The following PPP2R3A variants were observed in gnomAD, a reference collection of about 807,000 sequenced individuals.
PPP2R3A encodes protein phosphatase 2 regulatory subunit B''alpha, also known as serine/threonine-protein phosphatase 2A regulatory subunit B'' subunit alpha.
Under a neutral mutation model 106.9 loss-of-function variants are expected in PPP2R3A, and 80 were observed. That is an observed-to-expected ratio of 0.75 (90% CI 0.62 to 0.90). The LOEUF (loss-of-function observed/expected upper bound fraction) is 0.90, where lower values mean the gene tolerates loss of function less well. Among genes scored for constraint, PPP2R3A ranks in the 40% least tolerant of loss-of-function variants. The probability of loss-of-function intolerance (pLI) is 0.00; values close to 1 mark genes in which losing one functional copy is unlikely to be tolerated. For synonymous variants in PPP2R3A, 483 were observed against 468.3 expected, an observed-to-expected ratio of 1.03 and a Z score of -0.41; for missense variants, 1,386 against 1,350.4, an observed-to-expected ratio of 1.03 and a Z score of -0.41.
At chr3:136,091,328 T>C (rs1937090272) in intron 10 of PPP2R3A, among the ~76,000 whole-genome samples, 1 of 152,190 alleles carries the variant, frequency 6.6e-6, no homozygotes, top group Admixed American at 6.5e-5. Flanking sequence ...CTAAATGTTG[T>C]ATATGTCCAG....
intron 10 of PPP2R3A, among the ~76,000 whole-genome samples, chr3:136,096,933 C>T (rs919646601): frequency 6.6e-6 from 1 of 152,212 alleles, no homozygotes; most frequent in Non-Finnish European, 1.5e-5. Flanking sequence ...CATGTCACTG[C>T]ACTCCAGCCT....
intron 1 of PPP2R3A, among the ~76,000 whole-genome samples, chr3:135,969,856 G>A (rs546677188): frequency 2.6e-5 from 4 of 152,262 alleles, no homozygotes; most frequent in East Asian, 1.9e-4. Context: ...CAATATGGCA[G>A]CAATAATTGG....
intron 2 of PPP2R3A, among the ~76,000 whole-genome samples, chr3:136,008,682 G>A (rs1933934359): frequency 6.6e-6 from 1 of 152,042 alleles, no homozygotes; most frequent in African/African-American, 2.4e-5. Flanking sequence ...CAAAGTTTGG[G>A]GTACATATGC....
chr3:135,969,519 A>G (rs977623711), intron 1 of PPP2R3A, among the ~76,000 whole-genome samples: 37 of 152,226 alleles, frequency 2.4e-4, no homozygotes, highest in African/African-American at 8.9e-4. Flanking sequence ...CACAGTTTAC[A>G]TTGGGACTGC....
At chr3:136,007,570 A>G (rs2107796881) in intron 2 of PPP2R3A, among the ~76,000 whole-genome samples, 1 of 152,318 alleles carries the variant, frequency 6.6e-6, no homozygotes, top group South Asian at 2.1e-4. Flanking sequence ...GAAAGACATC[A>G]TGTGAGTGTA....
intron 1 of PPP2R3A, among the ~76,000 whole-genome samples, chr3:135,996,095 G>A (rs1258279591): frequency 6.6e-6 from 1 of 152,078 alleles, no homozygotes; most frequent in Non-Finnish European, 1.5e-5. Flanking sequence ...AGTTCTGCCT[G>A]ACCAATAGGG....
intron 1 of PPP2R3A, among the ~76,000 whole-genome samples, chr3:135,991,251 T>G (rs1933147654): frequency 6.6e-6 from 1 of 152,168 alleles, no homozygotes; most frequent in Non-Finnish European, 1.5e-5. Flanking sequence ...ACTCAAATGT[T>G]TATTAAACTG....
At chr3:136,098,343 G>GTATT (rs1321910639) in intron 10 of PPP2R3A, among the ~76,000 whole-genome samples, 2 of 152,090 alleles carry the variant, frequency 1.3e-5, no homozygotes, top group Non-Finnish European at 2.9e-5. Context: ...AACTTTTCAA[G>GTATT]TATTACATGT....
intron 4 of PPP2R3A, among the ~76,000 whole-genome samples, chr3:136,045,953 G>A (rs532215124): frequency 6.6e-6 from 1 of 152,264 alleles, no homozygotes; most frequent in East Asian, 1.9e-4. Flanking sequence ...GGAGGCCGAG[G>A]CAGTAAGATT....
intron 13 of PPP2R3A, among the ~76,000 whole-genome samples, chr3:136,144,418 TGA>T (rs1260955546): frequency 6.6e-6 from 1 of 151,988 alleles, no homozygotes; most frequent in African/African-American, 2.4e-5. Context: ...CCCAGCACTT[TGA>T]GAGGCCAAAG....
At chr3:136,078,310 G>C in intron 6 of PPP2R3A, 57 bp from the exon 7 acceptor site, 1 of 1,231,210 alleles carries the variant, frequency 8.1e-7, no homozygotes, top group Non-Finnish European at 1.2e-6. Flanking sequence ...TGGCCTTTGA[G>C]AAAGTAGTGG....
chr3:136,113,355 G>GT (rs1206958014), intron 13 of PPP2R3A, among the ~76,000 whole-genome samples: 1 of 152,098 alleles, frequency 6.6e-6, no homozygotes, highest in African/African-American at 2.4e-5. Flanking sequence ...ACAACCACCT[G>GT]TTTTTTGACA....
At chr3:136,091,585 C>T (rs1221730083) in intron 10 of PPP2R3A, among the ~76,000 whole-genome samples, 1 of 152,150 alleles carries the variant, frequency 6.6e-6, no homozygotes, top group East Asian at 1.9e-4. Flanking sequence ...CCATTATACT[C>T]CATCCTGGGT....
intron 5 of PPP2R3A, chr3:136,055,593 T>G (rs551408356): frequency 7.1e-7 from 1 of 1,402,990 alleles, no homozygotes; most frequent in South Asian, 1.2e-5. Flanking sequence ...CAGTACTGTA[T>G]CCACACGAGC....
intron 5 of PPP2R3A, among the ~76,000 whole-genome samples, chr3:136,069,848 TAAA>T (rs1202886080): frequency 6.6e-6 from 1 of 152,136 alleles, no homozygotes; most frequent in Non-Finnish European, 1.5e-5. Flanking sequence ...AATTAGAAAA[TAAA>T]AACAGTATTT....
chr3:136,116,601 G>C (rs565966552), intron 13 of PPP2R3A, among the ~76,000 whole-genome samples: 88 of 152,182 alleles, frequency 5.8e-4, no homozygotes, highest in Non-Finnish European at 1.0e-3. Flanking sequence ...CCTAGTCTCT[G>C]ATAAAACAGA....
chr3:135,976,176 T>C (rs7621396), intron 1 of PPP2R3A, among the ~76,000 whole-genome samples: 35,107 of 151,932 alleles, frequency 0.23, 4,869 homozygotes, highest in Non-Finnish European at 0.32. Context: ...GTAGAACACT[T>C]GACCTCCTTG....
chr3:136,022,406 T>C (rs149045863), intron 2 of PPP2R3A, among the ~76,000 whole-genome samples: 43 of 152,308 alleles, frequency 2.8e-4, no homozygotes, highest in Non-Finnish European at 5.6e-4. Flanking sequence ...CATTTGAGAA[T>C]GAAAGTTTCT....
At chr3:135,976,493 T>C (rs1439217582) in intron 1 of PPP2R3A, among the ~76,000 whole-genome samples, 1 of 152,254 alleles carries the variant, frequency 6.6e-6, no homozygotes, top group Non-Finnish European at 1.5e-5. Context: ...TAAGCACTCA[T>C]ATTGCATTTT....
Sources: allele counts gnomAD v4.1 joint callset (sites outside exome capture counted in the v4.1 genomes callset), GRCh38; gene constraint gnomAD v4.1.1; transcripts MANE v1.5; gene names NCBI Gene and HGNC (gene_info 2026-07-23, HGNC 2026-07-21).